Variants in CCDC15 observed in about 807,000 individuals in gnomAD.
CCDC15 encodes coiled-coil domain containing 15, also known as coiled-coil domain-containing protein 15.
In CCDC15, 105 loss-of-function variants were observed where a neutral mutation model predicts 114.5. The observed-to-expected ratio is 0.92, with a 90% CI of 0.78 to 1.08. The LOEUF (loss-of-function observed/expected upper bound fraction) is 1.08. Ranked by LOEUF, CCDC15 falls within the 50% of genes least tolerant of loss-of-function variation. The probability of loss-of-function intolerance (pLI) is 0.00; values close to 1 mark genes in which losing one functional copy is unlikely to be tolerated. For missense variants in CCDC15, 1,105 were observed against 1,093.6 expected (o/e 1.01, Z -0.15); for synonymous variants, 334 against 377.8 (o/e 0.88, Z 1.34).
At chr11:124,967,515 C>G (rs1170345035) in intron 4 of CCDC15, among the ~76,000 whole-genome samples, 4 of 152,164 alleles carry the variant, frequency 2.6e-5, no homozygotes, top group Non-Finnish European at 4.4e-5. Context: ...ACTGTTTATT[C>G]TAGTTAGCCA....
At chr11:125,007,459 A>G (rs556146887) in intron 13 of CCDC15, among the ~76,000 whole-genome samples, 31 of 152,232 alleles carry the variant, frequency 2.0e-4, no homozygotes, top group African/African-American at 6.7e-4. Flanking sequence ...TATATACCAC[A>G]TTTTCTTTGT....
intron 6 of CCDC15, 79 bp from the exon 7 acceptor site, chr11:124,986,662 TG>T (rs1948160625): frequency 7.6e-7 from 1 of 1,322,512 alleles, no homozygotes; most frequent in African/African-American, 1.6e-5. Flanking sequence ...AATAGCTACA[TG>T]GTGCTGTGTG....
intron 13 of CCDC15, among the ~76,000 whole-genome samples, chr11:125,008,702 C>CT (rs551149373): frequency 9.3e-4 from 140 of 150,994 alleles, no homozygotes; most frequent in Non-Finnish European, 1.4e-3. Context: ...ATTTCTTTTT[C>CT]TTTTTTTTTG....
intron 6 of CCDC15, among the ~76,000 whole-genome samples, chr11:124,982,956 A>G (rs1008483650): frequency 3.3e-5 from 5 of 152,014 alleles, no homozygotes; most frequent in South Asian, 2.1e-4. Context: ...GTCTTTTTAT[A>G]TACTTCCATA....
chr11:125,017,341 G>A (rs932899226), intron 13 of CCDC15, among the ~76,000 whole-genome samples: 1 of 152,124 alleles, frequency 6.6e-6, no homozygotes, highest in Non-Finnish European at 1.5e-5. Flanking sequence ...TGGGGAAGCA[G>A]ATAAATACGG....
chr11:124,993,096 G>C (rs1948297742), intron 10 of CCDC15, 73 bp from the exon 11 acceptor site: 1 of 879,052 alleles, frequency 1.1e-6, no homozygotes, highest in East Asian at 2.6e-5. Context: ...GATTGTCACT[G>C]AAGTCTATAA....
chr11:124,988,431 T>C (rs1466646163), intron 8 of CCDC15, among the ~76,000 whole-genome samples: 2 of 152,260 alleles, frequency 1.3e-5, no homozygotes, highest in African/African-American at 2.4e-5. Flanking sequence ...TACGATTATC[T>C]GAGTCTTCGG....
intron 13 of CCDC15, among the ~76,000 whole-genome samples, chr11:125,012,238 G>A (rs1177136512): frequency 2.0e-5 from 3 of 152,170 alleles, no homozygotes; most frequent in African/African-American, 7.2e-5. Context: ...TAGTTGCTTA[G>A]TCTCTGAGGA....
At chr11:124,992,057 G>T (rs898230855) in intron 9 of CCDC15, among the ~76,000 whole-genome samples, 1 of 152,156 alleles carries the variant, frequency 6.6e-6, no homozygotes, top group Admixed American at 6.5e-5. Flanking sequence ...CAGAGGAACT[G>T]CTTCAGGAGC....
chr11:125,021,375 A>G (rs910813651), intron 13 of CCDC15, among the ~76,000 whole-genome samples: 2 of 151,852 alleles, frequency 1.3e-5, no homozygotes, highest in South Asian at 2.1e-4. Context: ...TTGTTCCCCT[A>G]TTGAACCTAT....
intron 11 of CCDC15, among the ~76,000 whole-genome samples, chr11:124,999,770 A>C (rs745958867): frequency 3.4e-5 from 5 of 145,968 alleles, no homozygotes; most frequent in Non-Finnish European, 7.5e-5. Flanking sequence ...TGGAGTTGGG[A>C]TCTGTTTATT....
chr11:124,981,193 G>A (rs1000123018), intron 6 of CCDC15, among the ~76,000 whole-genome samples: 5 of 152,098 alleles, frequency 3.3e-5, no homozygotes, highest in Admixed American at 1.3e-4. Context: ...ATGGCTGATT[G>A]TGTGGTTGAT....
chr11:125,030,757 A>G (rs1243165965), intron 13 of CCDC15, among the ~76,000 whole-genome samples: 1 of 152,140 alleles, frequency 6.6e-6, no homozygotes, highest in Non-Finnish European at 1.5e-5. Flanking sequence ...TGCTGAGCCC[A>G]TGCGTAACCT....
At chr11:124,986,691 T>TGTGTGTGTGTGTGTGTGTGTGTGTG (rs1555068459) in intron 6 of CCDC15, 51 bp from the exon 7 acceptor site, 2 of 1,147,886 alleles carry the variant, frequency 1.7e-6, no homozygotes, top group African/African-American at 3.7e-5. Flanking sequence ...GTGTGTGTGT[T>TGTGTGTGTGTGTGTGTGTGTGTGTG]TGTGTGTGTG....
Position 125,005,062 on chromosome 11 carries a change from A to G in CCDC15, c.2308-47A>G, listed in dbSNP as rs552118080. ...ATAAGAATATTTTTCTTCCTTGGAA[A>G]TTCCTCTGAAAGCAGAATCTTAGTA... On this transcript the variant is annotated intron_variant, in intron 12 of 15. Coordinates refer to ENST00000344762, the MANE Select transcript of CCDC15 (RefSeq NM_025004.3). The G allele has an allele frequency of 6.0e-6, 5 of 832,868 alleles. No individual in the cohort carries two copies. In the East Asian group the frequency reaches 8.7e-5, roughly 15 times the overall value. The allele number at this position is 832,868 out of a possible 1,614,324, so 51.6% of individuals were successfully genotyped here. A position where few individuals can be genotyped will look rare whatever the true frequency, so the allele number is the denominator to read the frequency against.
intron 4 of CCDC15, among the ~76,000 whole-genome samples, chr11:124,964,321 G>A (rs1193776189): frequency 1.3e-5 from 2 of 152,136 alleles, no homozygotes; most frequent in East Asian, 3.8e-4. Context: ...ATTTAGTTGA[G>A]CAGTGGTTTG....
chr11:125,026,768 G>C (rs1948705477), intron 13 of CCDC15, among the ~76,000 whole-genome samples: 1 of 151,950 alleles, frequency 6.6e-6, no homozygotes, highest in Non-Finnish European at 1.5e-5. Context: ...AGCTGTTGGG[G>C]AACAGATGGT....
At chr11:124,991,373 C>G (rs4936967) in intron 8 of CCDC15, 88 bp from the exon 9 acceptor site, 3 of 853,516 alleles carry the variant, frequency 3.5e-6, no homozygotes, top group African/African-American at 3.4e-5. Flanking sequence ...AAAAACTACC[C>G]TTTGGCCTTC....
chr11:125,002,269 A>G (rs1948493318), intron 11 of CCDC15, among the ~76,000 whole-genome samples: 1 of 152,188 alleles, frequency 6.6e-6, no homozygotes, highest in Non-Finnish European at 1.5e-5. Context: ...ATTATTGAGT[A>G]TGAGAATTCA....
Sources: gnomAD v4.1 joint callset for allele counts (sites outside exome capture counted in the v4.1 genomes callset) on GRCh38, gnomAD v4.1.1 for gene constraint, MANE v1.5 for transcripts, NCBI Gene and HGNC (gene_info 2026-07-23, HGNC 2026-07-21) for gene names.